Variants in BFSP1 observed in about 807,000 individuals in gnomAD.
The protein encoded by BFSP1 is filensin.
BFSP1 carries 38 observed loss-of-function variants against 43.9 expected under a neutral mutation model. The ratio of observed to expected loss-of-function variants is 0.87; its 90% confidence interval spans 0.67 to 1.14. The LOEUF is 1.14. Among genes scored for constraint, BFSP1 ranks in the 50% most tolerant of loss-of-function variants. The pLI is 0.00. For synonymous variants in BFSP1, 352 were observed against 354.8 expected (o/e 0.99, Z 0.09); for missense variants, 850 against 875.1 (o/e 0.97, Z 0.36).
At chr20:17,568,795 G>A (rs1464179237) in intron 1 of BFSP1, among the ~76,000 whole-genome samples, 5 of 151,434 alleles carry the variant, frequency 3.3e-5, no homozygotes, top group Non-Finnish European at 5.9e-5. Context: ...TAGATTTTAC[G>A]TAGTGCCGGA....
At chr20:17,553,383 A>G (rs934530034) in intron 1 of BFSP1, among the ~76,000 whole-genome samples, 1 of 152,180 alleles carries the variant, frequency 6.6e-6, no homozygotes, top group African/African-American at 2.4e-5. Flanking sequence ...GTAGACAAAA[A>G]AACAAAAACA....
intron 1 of BFSP1, among the ~76,000 whole-genome samples, chr20:17,547,897 ATTTTTTT>A (rs71192391): frequency 2.9e-5 from 3 of 101,896 alleles, no homozygotes; most frequent in Non-Finnish European, 5.5e-5. Context: ...TGCCCGGCCA[ATTTTTTT>A]TTTTTTTTTT....
At chr20:17,558,800 C>CGGG (rs2035037684) in exon 1 of BFSP1, 1 of 1,489,630 alleles carries the variant, frequency 6.7e-7, no homozygotes, top group African/African-American at 1.4e-5. Flanking sequence ...GACTCCAAAA[C>CGGG]CCTCTCCAGA....
intron 1 of BFSP1, among the ~76,000 whole-genome samples, chr20:17,539,668 A>G (rs1267451046): frequency 6.6e-6 from 1 of 152,034 alleles, no homozygotes; most frequent in Non-Finnish European, 1.5e-5. Flanking sequence ...CGGGAGGCTG[A>G]GGTGGGAGGA....
intron 5 of BFSP1, among the ~76,000 whole-genome samples, 176 bp from the exon 6 acceptor site, chr20:17,499,216 A>C (rs916830431): frequency 2.2e-4 from 33 of 150,536 alleles, no homozygotes; most frequent in Non-Finnish European, 3.7e-4. Flanking sequence ...AGCAATGTGA[A>C]AACTGAGCTC....
chr20:17,495,813 C>G (rs1307291715), intron 7 of BFSP1, among the ~76,000 whole-genome samples: 1 of 152,156 alleles, frequency 6.6e-6, no homozygotes, highest in Non-Finnish European at 1.5e-5. Flanking sequence ...TTTTTCAGCC[C>G]AAAAGTCATC....
upstream of BFSP1, among the ~76,000 whole-genome samples, chr20:17,534,952 T>C (rs965251813): frequency 6.6e-6 from 1 of 151,814 alleles, no homozygotes. Context: ...TCCGGAGGGG[T>C]AGAGGTTGCA....
At position 17,531,033 on chromosome 20, in the gene BFSP1, G is replaced by C. The variant is rs776948974; in HGVS notation, c.297C>G (p.Val99=). The change falls in exon 1 of 8, where the codon GTC becomes GTG. Residue 99 remains valine, a synonymous_variant. Coordinates refer to ENST00000377873, the MANE Select transcript of BFSP1 (RefSeq NM_001195.5). ...ARQVESNRQR[V]RDLEAERARL... is the part of the protein sequence containing the mutation. ...GGGCGCGCTCGGCCTCCAGGTCCCG[G>C]ACGCGCTGGCGGTTGCTCTCGACTT... The C allele has an allele frequency of 9.1e-6, 13 of 1,422,844 alleles. No homozygotes were observed. Among genetic ancestry groups the C allele is most frequent in the South Asian group, 4.3e-5 (3 of 69,852 alleles). The allele number at this position is 1,422,844 out of a possible 1,614,324, so 88.1% of individuals were successfully genotyped here. A position where few individuals can be genotyped will look rare whatever the true frequency, so the allele number is the denominator to read the frequency against.
At position 17,525,451 on chromosome 20, in the gene BFSP1, G is replaced by A. The variant is rs958539760; in HGVS notation, c.378-543C>T. Among the ~76,000 whole-genome samples, 11 of 152,144 alleles carry A rather than the reference G, an allele frequency of 7.2e-5. No homozygotes were observed. The highest frequency in any genetic ancestry group is 2.2e-4 in the African/African-American group (9 of 41,420). On this transcript the variant is annotated intron_variant, in intron 1 of 7. Coordinates refer to ENST00000377873, the MANE Select transcript of BFSP1 (RefSeq NM_001195.5). The surrounding 1 kb of genome is among the most constrained non-coding windows in gnomAD (Gnocchi z 4.2). Reference sequence around the variant, plus strand: ...ATGAGGAAACTCAGGCAGATGCTCCGCACACTTTTCCCTCCTCCCAGCAGC... The same window carrying A: ...ATGAGGAAACTCAGGCAGATGCTCCACACACTTTTCCCTCCTCCCAGCAGC...
chr20:17,549,987 C>T (rs1269708399), intron 1 of BFSP1, among the ~76,000 whole-genome samples: 1 of 152,176 alleles, frequency 6.6e-6, no homozygotes, highest in Non-Finnish European at 1.5e-5. Flanking sequence ...AACCATATCA[C>T]TAGGAGATCT....
chr20:17,520,351 C>G (rs1336229566), intron 2 of BFSP1, among the ~76,000 whole-genome samples: 1 of 152,070 alleles, frequency 6.6e-6, no homozygotes. Context: ...TATTGAAAAT[C>G]AGCCCTTTTT....
At chr20:17,512,217 C>T in intron 3 of BFSP1, 149 bp from the exon 4 acceptor site, 1 of 612,752 alleles carries the variant, frequency 1.6e-6, no homozygotes, top group Non-Finnish European at 2.8e-6. Context: ...GAAGAAGAGA[C>T]TGATGCATTT....
chr20:17,551,229 C>T (rs921933265), intron 1 of BFSP1, among the ~76,000 whole-genome samples: 2 of 152,176 alleles, frequency 1.3e-5, no homozygotes, highest in Non-Finnish European at 2.9e-5. Context: ...CCAGCATCTG[C>T]TCGGCTTCTG....
At chr20:17,540,742 G>A (rs140922469) in intron 1 of BFSP1, among the ~76,000 whole-genome samples, 2 of 152,250 alleles carry the variant, frequency 1.3e-5, no homozygotes, top group East Asian at 3.9e-4. Context: ...GCTTCCTGTA[G>A]GGTTTGGCAA....
At chr20:17,562,510 G>C (rs1313349226), upstream of BFSP1, among the ~76,000 whole-genome samples, 1 of 115,338 alleles carries the variant, frequency 8.7e-6, no homozygotes, top group African/African-American at 3.5e-5. Flanking sequence ...CTGGGCAACA[G>C]AGTGAGACTC....
intron 1 of BFSP1, among the ~76,000 whole-genome samples, chr20:17,548,699 A>G (rs2034847184): frequency 6.6e-6 from 1 of 152,232 alleles, no homozygotes; most frequent in African/African-American, 2.4e-5. Flanking sequence ...AAAGCATAAC[A>G]TTTCAGTCAA....
chr20:17,503,285 C>T (rs755301832), intron 5 of BFSP1, among the ~76,000 whole-genome samples: 32 of 152,226 alleles, frequency 2.1e-4, no homozygotes, highest in Non-Finnish European at 4.1e-4. Flanking sequence ...CCACCTTGGC[C>T]TCCCAAAGTA....
In BFSP1 at chr20:17,507,273, GT is replaced by G. The variant is rs1242578477; in HGVS notation, c.735+1615del. Among the ~76,000 whole-genome samples the G allele has an allele frequency of 9.3e-5, 6 of 64,196 alleles. No homozygotes were observed. In the African/African-American group the frequency reaches 9.4e-4, roughly 10 times the overall value. 42.1% of individuals were successfully genotyped at this position (64,196 alleles called of 152,430 possible). Reference sequence around the variant, plus strand: ...CGAGCCATACACATCAGATAGGTAGGTGTGTGTGTGTGTGTGTGTGTGTGTG... The same window carrying G: ...CGAGCCATACACATCAGATAGGTAGGGTGTGTGTGTGTGTGTGTGTGTGTG... On this transcript the variant is annotated intron_variant, in intron 5 of 7. Coordinates refer to ENST00000377873, the MANE Select transcript of BFSP1 (RefSeq NM_001195.5). This position sits in a 1 kb window ranked among gnomAD's most constrained non-coding sequence, Gnocchi z 4.4.
At chr20:17,516,863 C>T (rs1294824479) in intron 2 of BFSP1, 11 of 646,094 alleles carry the variant, frequency 1.7e-5, no homozygotes, top group Admixed American at 4.8e-5. Flanking sequence ...TTGTGAAAAC[C>T]CTCACAGGGA....
Sources: gnomAD v4.1 joint callset for allele counts (sites outside exome capture counted in the v4.1 genomes callset) on GRCh38, gnomAD v4.1.1 for gene constraint, Gnocchi (gnomAD v3.1) non-coding constraint, MANE v1.5 for transcripts, NCBI Gene and HGNC (gene_info 2026-07-23, HGNC 2026-07-21) for gene names.